The following GRM3 variants were observed in gnomAD, a reference collection of about 807,000 sequenced individuals.
The protein encoded by GRM3 is metabotropic glutamate receptor 3.
A neutral mutation model predicts 70.5 loss-of-function variants in GRM3; 26 were observed. The observed-to-expected ratio is 0.37, with a 90% confidence interval of 0.27 to 0.51. The LOEUF is 0.51. Among genes scored for constraint, GRM3 ranks in the 20% least tolerant of loss-of-function variants. The pLI, the probability that GRM3 is intolerant of heterozygous loss-of-function variation, is 0.93. For synonymous variants in GRM3, 443 were observed against 434.9 expected (o/e 1.02, Z -0.23); for missense variants, 859 against 1,123.8 (o/e 0.76, Z 3.37).
chr7:86,689,394 A>T (rs1794644821), intron 1 of GRM3, among the ~76,000 whole-genome samples: 2 of 152,074 alleles, frequency 1.3e-5, no homozygotes, highest in Non-Finnish European at 2.9e-5. Context: ...TGTAAGATTA[A>T]ATAAAATAAT....
intron 3 of GRM3, among the ~76,000 whole-genome samples, chr7:86,790,668 T>A (rs568121163): frequency 6.6e-6 from 1 of 152,290 alleles, no homozygotes; most frequent in Non-Finnish European, 1.5e-5. Flanking sequence ...TTTACTCTCC[T>A]TCTTTCTCAC....
At chr7:86,842,422 A>G (rs530576643) in intron 4 of GRM3, among the ~76,000 whole-genome samples, 12 of 152,300 alleles carry the variant, frequency 7.9e-5, no homozygotes, top group Middle Eastern at 6.8e-3. Flanking sequence ...CTGAAGACAG[A>G]GCACTCTTAT....
At chr7:86,829,384 A>C (rs1317795215) in intron 3 of GRM3, among the ~76,000 whole-genome samples, 1 of 152,160 alleles carries the variant, frequency 6.6e-6, no homozygotes, top group Non-Finnish European at 1.5e-5. Flanking sequence ...TTGTGCTTTT[A>C]ATTTCCTTCA....
At chr7:86,823,050 G>A (rs544279743) in intron 3 of GRM3, among the ~76,000 whole-genome samples, 1 of 152,248 alleles carries the variant, frequency 6.6e-6, no homozygotes, top group Non-Finnish European at 1.5e-5. Flanking sequence ...TGGTAGCTGT[G>A]GTACCTTAGA....
In GRM3 at chr7:86,644,832, C is replaced by T. The variant is rs1187060238; in HGVS notation, c.-181C>T. ...GCAGGCTCACCGCCGCCGCTGCCACCGCGGTCAGCTCCAGTTCCTGCCAGG... is the reference window on the plus strand; with the variant it reads ...GCAGGCTCACCGCCGCCGCTGCCACTGCGGTCAGCTCCAGTTCCTGCCAGG... On this transcript the variant is annotated 5_prime_UTR_variant, in exon 1 of 6. Coordinates refer to ENST00000361669, the MANE Select transcript of GRM3 (RefSeq NM_000840.3). 1.6e-6 allele frequency: 2 copies of T among 1,289,592 alleles called. No individual in the cohort carries two copies. Among genetic ancestry groups the T allele is most frequent in the African/African-American group, 1.5e-5 (1 of 65,874 alleles). 79.9% of individuals were successfully genotyped at this position (1,289,592 alleles called of 1,614,324 possible).
At chr7:86,673,156 A>G (rs1767432320) in intron 1 of GRM3, among the ~76,000 whole-genome samples, 1 of 152,102 alleles carries the variant, frequency 6.6e-6, no homozygotes, top group Non-Finnish European at 1.5e-5. Flanking sequence ...CAAAGGCATG[A>G]CTGAGCACTC....
chr7:86,675,216 G>T (rs77592394), intron 1 of GRM3, among the ~76,000 whole-genome samples: 4,517 of 152,072 alleles, frequency 0.03, 212 homozygotes, highest in African/African-American at 0.1. Context: ...TGATCAAGGT[G>T]GTCTGACAGT....
At chr7:86,796,615 G>A (rs755399554) in intron 3 of GRM3, among the ~76,000 whole-genome samples, 1 of 152,140 alleles carries the variant, frequency 6.6e-6, no homozygotes, top group African/African-American at 2.4e-5. Context: ...TGGTAATTTA[G>A]TGGGAAAAGC....
chr7:86,838,841 CCATT>C lies in GRM3; in HGVS notation c.1330_1333del (p.Phe444ThrfsTer9). On this transcript the variant is annotated frameshift_variant, in exon 4 of 6. Transcript: ENST00000361669. LOFTEE classifies it high-confidence loss of function. ...TTCTTTCACTTTACATATCACAGCT[CCATT>C]CAACCCAAATAAAGATGCAGATAGC... The C allele has an allele frequency of 6.3e-7, 1 of 1,585,530 alleles. No individual in the cohort carries two copies. The highest frequency in any genetic ancestry group is 8.6e-7 in the Non-Finnish European group (1 of 1,158,200).
At chr7:86,763,629 AG>A (rs1235162607) in intron 1 of GRM3, among the ~76,000 whole-genome samples, 1 of 152,158 alleles carries the variant, frequency 6.6e-6, no homozygotes, top group Non-Finnish European at 1.5e-5. Context: ...GAATGTAAAA[AG>A]ATGCTCAATT....
At chr7:86,727,761 A>G (rs772450982) in intron 1 of GRM3, among the ~76,000 whole-genome samples, 6 of 152,298 alleles carry the variant, frequency 3.9e-5, no homozygotes, top group Non-Finnish European at 8.8e-5. Flanking sequence ...GTAAATGTGT[A>G]TGATCTAAAC....
chr7:86,813,451 G>A (rs1481837491), intron 3 of GRM3, among the ~76,000 whole-genome samples: 1 of 151,800 alleles, frequency 6.6e-6, no homozygotes, highest in Non-Finnish European at 1.5e-5. Flanking sequence ...CATCACTTAA[G>A]CAGTCATTTA....
chr7:86,700,484 C>T (rs1348435845), intron 1 of GRM3, among the ~76,000 whole-genome samples: 4 of 151,884 alleles, frequency 2.6e-5, no homozygotes, highest in African/African-American at 4.8e-5. Context: ...TCCCCAGCTA[C>T]TAACCATGAC....
intron 1 of GRM3, among the ~76,000 whole-genome samples, chr7:86,654,865 A>G (rs1306494896): frequency 6.6e-6 from 1 of 152,242 alleles, no homozygotes; most frequent in Non-Finnish European, 1.5e-5. Flanking sequence ...ACAATAATGT[A>G]GAAATTTTTT....
intron 4 of GRM3, among the ~76,000 whole-genome samples, chr7:86,840,298 G>A (rs1798535916): frequency 6.6e-6 from 1 of 152,068 alleles, no homozygotes. Flanking sequence ...AGATATAGGA[G>A]GACTCGGCTA....
chr7:86,801,165 A>G (rs1452519696), intron 3 of GRM3, among the ~76,000 whole-genome samples: 2 of 141,616 alleles, frequency 1.4e-5, no homozygotes, highest in African/African-American at 2.7e-5. Context: ...CTGCCTCCCG[A>G]GTTCAAGCAA....
At chr7:86,667,903 A>G (rs1354701615) in intron 1 of GRM3, among the ~76,000 whole-genome samples, 1 of 152,138 alleles carries the variant, frequency 6.6e-6, no homozygotes, top group African/African-American at 2.4e-5. Flanking sequence ...CTCAATGAAC[A>G]GAAGGCTCTT....
chr7:86,860,562 G>C (rs1798935665), intron 5 of GRM3, among the ~76,000 whole-genome samples: 1 of 152,122 alleles, frequency 6.6e-6, no homozygotes, highest in South Asian at 2.1e-4. Flanking sequence ...GGTATTTTTT[G>C]CTGTTGCTAT....
At chr7:86,845,731 G>A (rs1019155332) in intron 4 of GRM3, among the ~76,000 whole-genome samples, 1 of 152,114 alleles carries the variant, frequency 6.6e-6, no homozygotes, top group Non-Finnish European at 1.5e-5. Flanking sequence ...CAATAAATAA[G>A]ACACATTTGT....
Sources: gnomAD v4.1 joint callset for allele counts (sites outside exome capture counted in the v4.1 genomes callset) on GRCh38, gnomAD v4.1.1 for gene constraint, MANE v1.5 for transcripts, NCBI Gene and HGNC (gene_info 2026-07-23, HGNC 2026-07-21) for gene names.